The following UBTD1 variants were observed in gnomAD, a reference collection of about 807,000 sequenced individuals.
The protein encoded by UBTD1 is ubiquitin domain containing 1, also known as ubiquitin domain-containing protein 1.
UBTD1 carries 19 observed loss-of-function variants against 21.7 expected under a neutral mutation model. The observed-to-expected ratio is 0.87, with a 90% CI of 0.61 to 1.28. The LOEUF (loss-of-function observed/expected upper bound fraction) is 1.28. UBTD1 is among the 50% of genes most tolerant of loss of function. The probability of loss-of-function intolerance (pLI) is 0.00; values close to 1 mark genes in which losing one functional copy is unlikely to be tolerated. For missense variants in UBTD1, 282 were observed against 315.1 expected, an observed-to-expected ratio of 0.89 and a Z score of 0.80; for synonymous variants, 116 against 135.1, an observed-to-expected ratio of 0.86 and a Z score of 0.98.
rs531322524 is a variant in UBTD1 at position 97,545,391 on chromosome 10, T to TGGGG, written c.71-22522_71-22521insGGGG. Reference sequence around the variant, plus strand: ...TTCTCTGGTAAGTATGGGGCTCGTGTGTGTGTGTGTGTGTGTGTGGGTGTG... The same window carrying TGGGG: ...TTCTCTGGTAAGTATGGGGCTCGTGTGGGGGTGTGTGTGTGTGTGTGTGGGTGTG... On this transcript the variant is annotated intron_variant, in intron 1 of 2. Coordinates refer to ENST00000370664, the MANE Select transcript of UBTD1 (RefSeq NM_024954.5). 8.5e-4 allele frequency among the ~76,000 whole-genome samples: 53 copies of TGGGG among 62,498 alleles called. No homozygotes were observed. In the East Asian group the frequency reaches 0.011, roughly 13 times the overall value. 41.0% of individuals were successfully genotyped at this position (62,498 alleles called of 152,430 possible).
chr10:97,517,476 A>G (rs1021249136), intron 1 of UBTD1, among the ~76,000 whole-genome samples: 1 of 152,142 alleles, frequency 6.6e-6, no homozygotes, highest in Non-Finnish European at 1.5e-5. Context: ...CTCATCTTCA[A>G]CGTGGGGACA....
In UBTD1 at chr10:97,556,830, A is replaced by G. The variant is rs374694043; in HGVS notation, c.71-11084A>G. On this transcript the variant is annotated intron_variant, in intron 1 of 2. Coordinates refer to ENST00000370664, the MANE Select transcript of UBTD1 (RefSeq NM_024954.5). ...CCCAGTGGAATTCTGGGTGGGCCCAAACAGTCTGCAACTTTGGAAATTTAC... is the reference window on the plus strand; with the variant it reads ...CCCAGTGGAATTCTGGGTGGGCCCAGACAGTCTGCAACTTTGGAAATTTAC... 4.3e-4 allele frequency among the ~76,000 whole-genome samples: 65 copies of G among 152,358 alleles called. 1 individual carries two copies. The highest frequency in any genetic ancestry group is 1.3e-3 in the Admixed American group (20 of 15,306).
intron 2 of UBTD1, among the ~76,000 whole-genome samples, chr10:97,568,591 T>G (rs1466562098): frequency 6.6e-6 from 1 of 151,160 alleles, no homozygotes; most frequent in Non-Finnish European, 1.5e-5. Context: ...CTGGCTAATT[T>G]TCGTATTTTT....
intron 1 of UBTD1, among the ~76,000 whole-genome samples, chr10:97,553,429 C>T (rs116857014): frequency 0.038 from 5,770 of 152,326 alleles, 186 homozygotes; most frequent in Middle Eastern, 0.099. Context: ...CCGCGGCCAG[C>T]CAATATCTTT....
chr10:97,562,029 G>A (rs749032334), intron 1 of UBTD1, among the ~76,000 whole-genome samples: 2 of 152,180 alleles, frequency 1.3e-5, no homozygotes, highest in Non-Finnish European at 2.9e-5. Flanking sequence ...AACGAGTTCA[G>A]GCCATGATGG....
At chr10:97,514,652 G>A (rs576357342) in intron 1 of UBTD1, among the ~76,000 whole-genome samples, 1 of 152,264 alleles carries the variant, frequency 6.6e-6, no homozygotes, top group Non-Finnish European at 1.5e-5. Flanking sequence ...AGGAACCGGG[G>A]CAAGGTCGTC....
intron 1 of UBTD1, among the ~76,000 whole-genome samples, chr10:97,518,373 C>T (rs1318159685): frequency 6.6e-6 from 1 of 152,220 alleles, no homozygotes; most frequent in Non-Finnish European, 1.5e-5. Flanking sequence ...ACAAGGCCCT[C>T]TATCCTCTGC....
chr10:97,569,670 G>T (rs967851701), intron 2 of UBTD1, among the ~76,000 whole-genome samples: 5 of 152,178 alleles, frequency 3.3e-5, no homozygotes, highest in Admixed American at 6.5e-5. Context: ...CGGCATCATG[G>T]TGCTGGCTGG....
intron 1 of UBTD1, among the ~76,000 whole-genome samples, chr10:97,541,084 T>C (rs2040584886): frequency 6.6e-6 from 1 of 152,174 alleles, no homozygotes. Flanking sequence ...AACCACTCAC[T>C]GGATTCCTGT....
At chr10:97,519,484 A>T (rs1197147366) in intron 1 of UBTD1, among the ~76,000 whole-genome samples, 1 of 152,154 alleles carries the variant, frequency 6.6e-6, no homozygotes, top group Non-Finnish European at 1.5e-5. Context: ...CACATTCTGT[A>T]TTGACAGGGA....
intron 1 of UBTD1, among the ~76,000 whole-genome samples, chr10:97,537,286 C>A (rs1296006365): frequency 6.6e-6 from 1 of 152,188 alleles, no homozygotes; most frequent in Non-Finnish European, 1.5e-5. Context: ...GTAGGACCCC[C>A]CAGCCCCACC....
intron 1 of UBTD1, among the ~76,000 whole-genome samples, chr10:97,549,060 A>T (rs565668065): frequency 1.3e-5 from 2 of 152,140 alleles, no homozygotes; most frequent in African/African-American, 4.8e-5. Context: ...ATGAAAGCAC[A>T]CCCTGTCTCA....
At chr10:97,543,620 C>T (rs998432658) in intron 1 of UBTD1, among the ~76,000 whole-genome samples, 5 of 152,204 alleles carry the variant, frequency 3.3e-5, no homozygotes, top group African/African-American at 1.2e-4. Flanking sequence ...TGCCCTGGAT[C>T]ACACAGCAGG....
intron 1 of UBTD1, among the ~76,000 whole-genome samples, chr10:97,551,697 G>C (rs561286304): frequency 6.6e-6 from 1 of 152,246 alleles, no homozygotes; most frequent in African/African-American, 2.4e-5. Flanking sequence ...CAGCACCACC[G>C]TCGGCTCCCC....
intron 1 of UBTD1, among the ~76,000 whole-genome samples, chr10:97,517,016 A>G (rs1192922179): frequency 6.6e-6 from 1 of 152,112 alleles, no homozygotes; most frequent in Non-Finnish European, 1.5e-5. Flanking sequence ...GGCACCTGGG[A>G]GGGCATTGCT....
chr10:97,568,776 G>T lies in UBTD1; in HGVS notation c.298+635G>T, dbSNP rs373180197. Among the ~76,000 whole-genome samples the T allele has an allele frequency of 2.5e-4, 38 of 152,248 alleles. 1 individual carries two copies. In the East Asian group the frequency reaches 5.4e-3, roughly 22 times the overall value. On this transcript the variant is annotated intron_variant, in intron 2 of 2. Coordinates refer to ENST00000370664, the MANE Select transcript of UBTD1 (RefSeq NM_024954.5). ...CACGTAAGTTCATAGCAGTCTTATGGGGCCATGTAAAGCAGAGGGTGACAG... is the reference window on the plus strand; with the variant it reads ...CACGTAAGTTCATAGCAGTCTTATGTGGCCATGTAAAGCAGAGGGTGACAG...
chr10:97,556,389 T>G (rs1337011821), intron 1 of UBTD1, among the ~76,000 whole-genome samples: 2 of 152,208 alleles, frequency 1.3e-5, no homozygotes, highest in Admixed American at 6.5e-5. Context: ...CAAGAGCTAG[T>G]CTATTTTGAT....
rs1196927564 is a variant in UBTD1 at position 97,499,188 on chromosome 10, T to C, written c.-16T>C. 2 of 1,533,828 alleles carry C rather than the reference T, an allele frequency of 1.3e-6. No homozygotes were observed. The highest frequency in any genetic ancestry group is 1.2e-5 in the South Asian group (1 of 81,980). On this transcript the variant is annotated 5_prime_UTR_variant, in exon 1 of 3. Transcript: ENST00000370664. ...CCCGCCGCCTCCGGTGCATGGGGAC[T>C]GGCTGAGGAGCCAGCATGGGCAACT...
chr10:97,541,554 A>G (rs144174033), intron 1 of UBTD1, among the ~76,000 whole-genome samples: 37 of 152,252 alleles, frequency 2.4e-4, no homozygotes, highest in Non-Finnish European at 4.1e-4. Context: ...ACCATTTTCA[A>G]GCTCCTACTG....
Sources: gnomAD v4.1 joint callset for allele counts (sites outside exome capture counted in the v4.1 genomes callset) on GRCh38, gnomAD v4.1.1 for gene constraint, MANE v1.5 for transcripts, NCBI Gene and HGNC (gene_info 2026-07-23, HGNC 2026-07-21) for gene names.